The following TMEM40 variants were observed in gnomAD, a reference collection of about 807,000 sequenced individuals.
The protein encoded by TMEM40 is transmembrane protein 40.
A neutral mutation model predicts 40.8 loss-of-function variants in TMEM40; 34 were observed. That is an observed-to-expected ratio of 0.83 (90% CI 0.63 to 1.11). TMEM40 has a LOEUF of 1.11. Among genes scored for constraint, TMEM40 ranks in the 50% least tolerant of loss-of-function variants. The pLI is 0.00. For missense variants in TMEM40, 296 were observed against 280.2 expected, an observed-to-expected ratio of 1.06 and a Z score of -0.40; for synonymous variants, 106 against 107.0, an observed-to-expected ratio of 0.99 and a Z score of 0.06.
At chr3:12,746,533 CTA>C (rs1369940780) in intron 3 of TMEM40, among the ~76,000 whole-genome samples, 1 of 152,164 alleles carries the variant, frequency 6.6e-6, no homozygotes, top group Non-Finnish European at 1.5e-5. Flanking sequence ...GTGGATGTGA[CTA>C]TGAGTGAGGG....
intron 5 of TMEM40, chr3:12,738,808 A>T (rs1228767172): frequency 3.8e-6 from 2 of 525,682 alleles, no homozygotes; most frequent in Non-Finnish European, 6.9e-6. Flanking sequence ...CCACTCTTAC[A>T]GGTCTGTCAA....
At chr3:12,764,940 C>G (rs1008543672) in intron 1 of TMEM40, among the ~76,000 whole-genome samples, 2 of 151,970 alleles carry the variant, frequency 1.3e-5, no homozygotes, top group Non-Finnish European at 2.9e-5. Context: ...GGCGCAATCT[C>G]GGCTCACTGC....
At chr3:12,753,432 C>A (rs995541260) in intron 1 of TMEM40, among the ~76,000 whole-genome samples, 5 of 151,792 alleles carry the variant, frequency 3.3e-5, no homozygotes, top group Non-Finnish European at 7.4e-5. Flanking sequence ...CTATGTTGCC[C>A]AGGCTGCTCT....
chr3:12,734,702 G>A lies in TMEM40; in HGVS notation c.*72C>T, dbSNP rs1005668509. On this transcript the variant is annotated 3_prime_UTR_variant, in exon 12 of 12. Transcript: ENST00000314124. ...TGTGCGTCTCTCAGAATGCTGCTCT[G>A]CCCTTGTGGGCTCAGGGGTCGCAGT... 2 of 1,526,082 alleles carry A rather than the reference G, an allele frequency of 1.3e-6. No homozygotes were observed. The highest frequency in any genetic ancestry group is 1.4e-5 in the African/African-American group (1 of 72,864). The allele number at this position is 1,526,082 out of a possible 1,614,324, so 94.5% of individuals were successfully genotyped here.
upstream of TMEM40, chr3:12,759,358 T>A (rs979374912): frequency 2.0e-5 from 3 of 152,422 alleles, no homozygotes; most frequent in Admixed American, 6.5e-5. Flanking sequence ...ATGGCATTCC[T>A]TCCTGCTGGT....
At chr3:12,741,910 C>T (rs1383492728) in intron 5 of TMEM40, among the ~76,000 whole-genome samples, 1 of 151,928 alleles carries the variant, frequency 6.6e-6, no homozygotes, top group African/African-American at 2.4e-5. Context: ...GCCTGGGCAA[C>T]ATGGCAAAAC....
intron 6 of TMEM40, 92 bp downstream of exon 6, chr3:12,738,461 C>A (rs2061354759): frequency 7.0e-7 from 1 of 1,426,510 alleles, no homozygotes; most frequent in South Asian, 1.1e-5. Flanking sequence ...CCAGGTATCC[C>A]AACAGGTGCT....
Position 12,748,898 on chromosome 3 carries a change from G to A in TMEM40, c.74-106C>T. On this transcript the variant is annotated intron_variant, in intron 2 of 11. Coordinates refer to ENST00000314124, the MANE Select transcript of TMEM40 (RefSeq NM_018306.4). Reference sequence around the variant, plus strand: ...TACTTGGATTTGGAGAGCCAGGAAGGACTGGATTATCTTCCCAAATATCTA... The same window carrying A: ...TACTTGGATTTGGAGAGCCAGGAAGAACTGGATTATCTTCCCAAATATCTA... 4 of 997,314 alleles carry A rather than the reference G, an allele frequency of 4.0e-6. No homozygotes were observed. The South Asian group carries it at 6.4e-5, about 16-fold the overall frequency. 61.8% of individuals were successfully genotyped at this position (997,314 alleles called of 1,614,324 possible).
chr3:12,735,432 G>A, intron 11 of TMEM40, 123 bp downstream of exon 11: 6 of 928,510 alleles, frequency 6.5e-6, no homozygotes, highest in Non-Finnish European at 1.0e-5. Context: ...ACTGGCAGAG[G>A]TAGGACTCAA....
chr3:12,747,910 C>CAAAAAAAAAAAAA (rs747586371), intron 3 of TMEM40, among the ~76,000 whole-genome samples: 1 of 27,568 alleles, frequency 3.6e-5, no homozygotes, highest in African/African-American at 1.1e-4. Flanking sequence ...GATTCTGTCT[C>CAAAAAAAAAAAAA]AAAAAAAAAA....
intron 4 of TMEM40, 128 bp downstream of exon 4, chr3:12,743,772 G>A: frequency 1.2e-6 from 1 of 828,662 alleles, no homozygotes; most frequent in African/African-American, 1.7e-5. Context: ...CTATTCTGCT[G>A]CTGTCAGGCT....
At chr3:12,737,599 C>G in intron 8 of TMEM40, 108 bp downstream of exon 8, 1 of 1,008,826 alleles carries the variant, frequency 9.9e-7, no homozygotes, top group Non-Finnish European at 1.6e-6. Flanking sequence ...GCAGGGCACA[C>G]GACAGAGGTG....
Position 12,743,854 on chromosome 3 carries a change from C to A in TMEM40, c.301+46G>T, listed in dbSNP as rs369930659. On this transcript the variant is annotated intron_variant, in intron 4 of 11. Transcript: ENST00000314124. ...ACTTCAGTCCCACGGAGAAACTCAA[C>A]GGTGAGCGAGTGGGCAAAAGAAAAA... 3.2e-5 allele frequency: 50 copies of A among 1,572,086 alleles called. No homozygotes were observed. In the Middle Eastern group the frequency reaches 6.8e-4, roughly 21 times the overall value.
rs2061339099 is a variant in TMEM40, at chr3:12,736,578, C to T, written c.619G>A (p.Val207Met). The T allele has an allele frequency of 5.1e-6, 8 of 1,553,912 alleles. No homozygotes were observed. Among genetic ancestry groups the T allele is most frequent in the Non-Finnish European group, 7.0e-6 (8 of 1,148,144 alleles). The stretch of plus-strand genomic sequence containing the variant: ...TGTCCATGCTGGGGGAGGGGCTTAC[C>T]TAGTCCGAAGTAGATGCCAACGGTT... ...LETVGIYFGL[V>M]YRIHSVLQGF... The change falls in exon 10 of 12, where the codon GTG becomes ATG. Residue 207 changes from valine to methionine, a missense_variant and splice_region_variant. Transcript: ENST00000314124.
At chr3:12,768,902 C>CCGGGGT (rs1559538094) in intron 1 of TMEM40, among the ~76,000 whole-genome samples, 7 of 57,038 alleles carry the variant, frequency 1.2e-4, no homozygotes, top group African/African-American at 3.1e-4. Flanking sequence ...CGGGGCGGGG[C>CCGGGGT]AGGGCGGGCC....
intron 3 of TMEM40, among the ~76,000 whole-genome samples, chr3:12,747,910 CAAAAAA>C (rs747586371): frequency 1.8e-4 from 5 of 27,568 alleles, no homozygotes; most frequent in Non-Finnish European, 2.5e-4. Flanking sequence ...GATTCTGTCT[CAAAAAA>C]AAAAAAAAAA....
At chr3:12,735,338 T>C (rs528937601) in intron 11 of TMEM40, among the ~76,000 whole-genome samples, 25 of 152,270 alleles carry the variant, frequency 1.6e-4, no homozygotes, top group Middle Eastern at 3.4e-3. Flanking sequence ...CACAACACAC[T>C]TGTGCAGCAG....
chr3:12,752,643 A>T (rs2061487415), intron 1 of TMEM40, among the ~76,000 whole-genome samples: 1 of 152,056 alleles, frequency 6.6e-6, no homozygotes, highest in Non-Finnish European at 1.5e-5. Flanking sequence ...CTAAAAATAC[A>T]AAAATTAGCT....
rs566723589 is a variant in TMEM40 at position 12,749,226 on chromosome 3, G to A, written c.74-434C>T. 1.8e-3 allele frequency among the ~76,000 whole-genome samples: 276 copies of A among 152,018 alleles called. 1 individual carries two copies. Among genetic ancestry groups the A allele is most frequent in the Non-Finnish European group, 1.9e-3 (130 of 67,970 alleles). On this transcript the variant is annotated intron_variant, in intron 2 of 11. Coordinates refer to ENST00000314124, the MANE Select transcript of TMEM40 (RefSeq NM_018306.4). ...TTTTTAGTAGAGACGGGGTTTCACC[G>A]TGTTAGCCAGGATGGTCTCGATCTC...
Sources: allele counts gnomAD v4.1 joint callset (sites outside exome capture counted in the v4.1 genomes callset), GRCh38; gene constraint gnomAD v4.1.1; transcripts MANE v1.5; gene names NCBI Gene and HGNC (gene_info 2026-07-23, HGNC 2026-07-21).